ERC2: variants seen among roughly 807,000 people sequenced by gnomAD.
The protein encoded by ERC2 is ERC protein 2.
A neutral mutation model predicts 114.8 loss-of-function variants in ERC2; 42 were observed. The observed-to-expected ratio is 0.37, with a 90% CI of 0.29 to 0.47. ERC2 has a LOEUF of 0.47. Among genes scored for constraint, ERC2 ranks in the 20% least tolerant of loss-of-function variants. ERC2 has a pLI of 0.99. For missense variants in ERC2, 939 were observed against 1,150.7 expected (o/e 0.82, Z 2.66); for synonymous variants, 454 against 425.5 (o/e 1.07, Z -0.82).
At chr3:55,997,524 T>A (rs1214969963) in intron 10 of ERC2, among the ~76,000 whole-genome samples, 1 of 148,214 alleles carries the variant, frequency 6.7e-6, no homozygotes, top group Non-Finnish European at 1.5e-5. Flanking sequence ...ATATATTATA[T>A]ATGTTATATA....
intron 17 of ERC2, among the ~76,000 whole-genome samples, chr3:55,584,875 A>G (rs1026326217): frequency 6.6e-5 from 10 of 152,228 alleles, no homozygotes; most frequent in Non-Finnish European, 1.0e-4. Flanking sequence ...ATCCAAGCGC[A>G]TGGCTTGTCT....
chr3:56,287,671 G>A (rs1184784942), intron 3 of ERC2, among the ~76,000 whole-genome samples: 1 of 152,214 alleles, frequency 6.6e-6, no homozygotes, highest in East Asian at 1.9e-4. Flanking sequence ...ATCCTAGTCT[G>A]TGGTCTACTC....
rs543094110 is a variant in ERC2, at chr3:55,937,152, C to G, written c.2403+13273G>C. Among the ~76,000 whole-genome samples the G allele has an allele frequency of 2.0e-5, 3 of 152,228 alleles. No homozygotes were observed. In the East Asian group the frequency reaches 5.8e-4, roughly 29 times the overall value. ...CATCAGGAGTTTGAGACCAGCCTGG[C>G]CAACATGGTGAAACCTTGTCTCTAC... On this transcript the variant is annotated intron_variant, in intron 13 of 17. Transcript: ENST00000288221.
intron 2 of ERC2, among the ~76,000 whole-genome samples, chr3:56,381,402 A>G (rs1262182859): frequency 6.6e-6 from 1 of 152,146 alleles, no homozygotes; most frequent in African/African-American, 2.4e-5. Context: ...CTGCACGTAC[A>G]AAAAGTTAAC....
At chr3:55,671,325 A>T (rs1391704608) in intron 17 of ERC2, among the ~76,000 whole-genome samples, 1 of 152,244 alleles carries the variant, frequency 6.6e-6, no homozygotes, top group Non-Finnish European at 1.5e-5. Context: ...CAATAAAAAA[A>T]TCTATGAACA....
At chr3:55,724,300 G>A (rs535245673) in intron 15 of ERC2, among the ~76,000 whole-genome samples, 1 of 152,310 alleles carries the variant, frequency 6.6e-6, no homozygotes, top group African/African-American at 2.4e-5. Context: ...CAGGGGCCAG[G>A]CGAGAAGGGT....
At chr3:55,741,297 C>CTT (rs57903810) in intron 14 of ERC2, among the ~76,000 whole-genome samples, 2 of 149,316 alleles carry the variant, frequency 1.3e-5, no homozygotes, top group African/African-American at 4.9e-5. Context: ...AATATCCTTG[C>CTT]TTTTTTTTTT....
chr3:55,783,706 T>C (rs1463126833), intron 14 of ERC2, among the ~76,000 whole-genome samples: 3 of 150,210 alleles, frequency 2.0e-5, no homozygotes, highest in Non-Finnish European at 4.4e-5. Flanking sequence ...CTTGAGAATA[T>C]AGAAAAAAAA....
intron 7 of ERC2, among the ~76,000 whole-genome samples, chr3:56,078,907 T>C (rs1008749226): frequency 3.3e-5 from 5 of 150,520 alleles, no homozygotes; most frequent in Non-Finnish European, 5.9e-5. Flanking sequence ...AACACATTTG[T>C]CAAATGGTTA....
intron 16 of ERC2, among the ~76,000 whole-genome samples, chr3:55,689,280 T>C (rs1245355340): frequency 1.3e-4 from 20 of 152,120 alleles, no homozygotes; most frequent in Admixed American, 1.3e-3. Context: ...GCATCGTCAT[T>C]ATAGGGCAAA....
chr3:55,708,733 A>C (rs952412083), intron 15 of ERC2, among the ~76,000 whole-genome samples: 3 of 151,940 alleles, frequency 2.0e-5, no homozygotes, highest in African/African-American at 7.3e-5. Context: ...AAAGGTAAAA[A>C]GACAAAAATA....
chr3:56,134,191 C>T (rs756677108), intron 6 of ERC2, among the ~76,000 whole-genome samples: 7 of 152,112 alleles, frequency 4.6e-5, no homozygotes, highest in African/African-American at 1.4e-4. Context: ...TTCAAGGGAG[C>T]GAAATATCTA....
At chr3:55,849,008 T>G (rs560962141) in intron 14 of ERC2, among the ~76,000 whole-genome samples, 2 of 152,306 alleles carry the variant, frequency 1.3e-5, no homozygotes, top group African/African-American at 4.8e-5. Context: ...CTTAAATATT[T>G]TTTTTCAAAA....
chr3:56,463,663 A>G (rs2063416430), intron 1 of ERC2, among the ~76,000 whole-genome samples: 1 of 152,238 alleles, frequency 6.6e-6, no homozygotes, highest in Non-Finnish European at 1.5e-5. Context: ...TACTAGTGTT[A>G]TAATTATTAT....
intron 2 of ERC2, among the ~76,000 whole-genome samples, chr3:56,424,311 C>T (rs2061490766): frequency 6.6e-6 from 1 of 152,006 alleles, no homozygotes; most frequent in African/African-American, 2.4e-5. Context: ...GCTGCAATCC[C>T]GTCACCCAAA....
At chr3:55,920,249 G>T (rs2065339648) in intron 13 of ERC2, among the ~76,000 whole-genome samples, 1 of 152,048 alleles carries the variant, frequency 6.6e-6, no homozygotes. Flanking sequence ...TGTATTGAGT[G>T]TTGGGTAAAT....
intron 4 of ERC2, among the ~76,000 whole-genome samples, chr3:56,169,878 G>A (rs2082542293): frequency 6.7e-6 from 1 of 150,166 alleles, no homozygotes; most frequent in Non-Finnish European, 1.5e-5. Flanking sequence ...TCATGTTTAT[G>A]TCATGTCAAA....
At chr3:55,997,904 TTTTGTG>T (rs1223089770) in intron 10 of ERC2, among the ~76,000 whole-genome samples, 67 of 46,456 alleles carry the variant, frequency 1.4e-3, no homozygotes, top group African/African-American at 4.1e-3. Context: ...TTTTTTTTTT[TTTTGTG>T]TGTGTGTGTG....
intron 1 of ERC2, among the ~76,000 whole-genome samples, chr3:56,442,103 C>T (rs1162383170): frequency 2.0e-5 from 3 of 152,192 alleles, no homozygotes; most frequent in Non-Finnish European, 4.4e-5. Context: ...ACAGCTTCTA[C>T]TCTACTCTCA....
Sources: gnomAD v4.1 joint callset for allele counts (sites outside exome capture counted in the v4.1 genomes callset) on GRCh38, gnomAD v4.1.1 for gene constraint, MANE v1.5 for transcripts, NCBI Gene and HGNC (gene_info 2026-07-23, HGNC 2026-07-21) for gene names.